The following IRAK1BP1 variants were observed in gnomAD, a reference collection of about 807,000 sequenced individuals.
IRAK1BP1 encodes interleukin 1 receptor associated kinase 1 binding protein 1.
A neutral mutation model predicts 28.0 loss-of-function variants in IRAK1BP1; 24 were observed. The observed-to-expected ratio is 0.86, with a 90% CI of 0.62 to 1.20. IRAK1BP1 has a LOEUF of 1.20. IRAK1BP1 is among the 50% of genes most tolerant of loss of function. The pLI, the probability that IRAK1BP1 is intolerant of heterozygous loss-of-function variation, is 0.00. For synonymous variants in IRAK1BP1, 131 were observed against 116.3 expected (o/e 1.13, Z -0.81); for missense variants, 336 against 316.7 (o/e 1.06, Z -0.46).
At chr6:78,946,501 A>T (rs1043237541), downstream of IRAK1BP1, 7 of 1,396,360 alleles carry the variant, frequency 5.0e-6, no homozygotes, top group South Asian at 1.2e-4. Context: ...ATGCTGTTTT[A>T]CTGTATAGAT....
chr6:78,967,224 G>A, the IRAK1BP1 span, among the ~76,000 whole-genome samples: 1 of 152,052 alleles, frequency 6.6e-6, no homozygotes, highest in African/African-American at 2.4e-5. Flanking sequence ...CAGGAGAAAA[G>A]TTAATAGAAC....
the IRAK1BP1 span, among the ~76,000 whole-genome samples, chr6:78,966,772 C>CT: frequency 6.6e-6 from 1 of 152,180 alleles, no homozygotes; most frequent in Non-Finnish European, 1.5e-5. Flanking sequence ...CATAAGAAAA[C>CT]TGTAAGTCAC....
exon 5 of IRAK1BP1, chr6:78,946,324 T>C (rs1773816481): frequency 6.7e-7 from 1 of 1,486,742 alleles, no homozygotes; most frequent in South Asian, 1.3e-5. Context: ...AAACAGTTTA[T>C]AATATTTTTG....
At chr6:78,950,975 A>G, downstream of IRAK1BP1, among the ~76,000 whole-genome samples, 1 of 152,080 alleles carries the variant, frequency 6.6e-6, no homozygotes, top group East Asian at 1.9e-4. Flanking sequence ...ACTCTTTAGT[A>G]CATTTTAGTA....
intron 4 of IRAK1BP1, among the ~76,000 whole-genome samples, chr6:78,934,514 A>G (rs1177670272): frequency 6.6e-6 from 1 of 152,242 alleles, no homozygotes; most frequent in African/African-American, 2.4e-5. Flanking sequence ...AAAACATTAA[A>G]AGTCCTTCTG....
At chr6:78,942,964 C>A (rs1773578993) in intron 4 of IRAK1BP1, among the ~76,000 whole-genome samples, 2 of 152,218 alleles carry the variant, frequency 1.3e-5, no homozygotes, top group South Asian at 2.1e-4. Context: ...TTAAAAACCA[C>A]TGATATTGAA....
At chr6:78,889,983 CA>C (rs1771577899) in intron 2 of IRAK1BP1, among the ~76,000 whole-genome samples, 1 of 152,094 alleles carries the variant, frequency 6.6e-6, no homozygotes, top group African/African-American at 2.4e-5. Context: ...ACATTTATTG[CA>C]GCACTATTTA....
the IRAK1BP1 span, chr6:78,957,284 T>A: frequency 6.6e-6 from 1 of 151,996 alleles, no homozygotes; most frequent in Admixed American, 6.6e-5. Context: ...CAGATACACA[T>A]ACACATAGTT....
chr6:78,940,554 T>TTG, intron 4 of IRAK1BP1: 1 of 174,894 alleles, frequency 5.7e-6, no homozygotes, highest in Admixed American at 6.7e-5. Flanking sequence ...GTTTGTTTTT[T>TTG]TTTTTTTTTT....
At chr6:78,886,227 A>G (rs2127646557) in intron 2 of IRAK1BP1, among the ~76,000 whole-genome samples, 1 of 152,232 alleles carries the variant, frequency 6.6e-6, no homozygotes, top group East Asian at 1.9e-4. Flanking sequence ...TAAAGGTGTG[A>G]CTTTAGGTTC....
chr6:78,918,578 TAAAAAAA>T (rs58669467), intron 4 of IRAK1BP1, among the ~76,000 whole-genome samples: 2 of 66,784 alleles, frequency 3.0e-5, no homozygotes, highest in African/African-American at 1.2e-4. Flanking sequence ...CCAAAAACAG[TAAAAAAA>T]AAAAAAAAAA....
At chr6:78,870,325 C>T (rs1475222626) in intron 1 of IRAK1BP1, among the ~76,000 whole-genome samples, 1 of 151,924 alleles carries the variant, frequency 6.6e-6, no homozygotes, top group Non-Finnish European at 1.5e-5. Context: ...CTAATCCCTG[C>T]CATGCAACAC....
intron 2 of IRAK1BP1, among the ~76,000 whole-genome samples, chr6:78,891,483 CG>C (rs1352544856): frequency 6.9e-6 from 1 of 144,014 alleles, no homozygotes; most frequent in Non-Finnish European, 1.5e-5. Flanking sequence ...TTTTTTGAGA[CG>C]AAGTCTCACT....
rs1045796710 is a variant in IRAK1BP1, at chr6:78,911,083, G to T, written c.*67+7973G>T. 2.6e-5 allele frequency among the ~76,000 whole-genome samples: 4 copies of T among 152,186 alleles called. No homozygotes were observed. In the South Asian group the frequency reaches 8.3e-4, roughly 32 times the overall value. On this transcript the variant is annotated intron_variant and NMD_transcript_variant, in intron 4 of 4. Coordinates refer to the IRAK1BP1 transcript ENST00000606868. ...GGCCTTCGTGTCCTCTGCAGCCTCC[G>T]CCTTCCTTCTGCTGCCAGCAGCTGT... is the stretch of plus-strand genomic sequence containing the variant.
At chr6:78,946,855 C>T (rs1773848450), downstream of IRAK1BP1, 4 of 1,568,022 alleles carry the variant, frequency 2.6e-6, no homozygotes, top group African/African-American at 1.4e-5. Context: ...AGCAGACAGG[C>T]GCAAACTCAT....
chr6:78,971,253 A>T, the IRAK1BP1 span, among the ~76,000 whole-genome samples: 1 of 152,236 alleles, frequency 6.6e-6, no homozygotes, highest in Non-Finnish European at 1.5e-5. Flanking sequence ...ATATGCAGAA[A>T]ACATTGAAAT....
the IRAK1BP1 span, among the ~76,000 whole-genome samples, chr6:78,962,533 C>G: frequency 6.6e-6 from 1 of 152,140 alleles, no homozygotes; most frequent in Non-Finnish European, 1.5e-5. Context: ...TCTCTCTAGA[C>G]TCTTTGCAGC....
At chr6:78,946,934 A>T, downstream of IRAK1BP1, 2 of 939,944 alleles carry the variant, frequency 2.1e-6, no homozygotes, top group Non-Finnish European at 3.2e-6. Flanking sequence ...TTTGTTCAGT[A>T]AATACTGTAA....
rs193185369 is a variant in IRAK1BP1, at chr6:78,921,245, C to T, written c.*67+18135C>T. 4.1e-3 allele frequency among the ~76,000 whole-genome samples: 617 copies of T among 152,308 alleles called. 4 individuals carry two copies. Among genetic ancestry groups the T allele is most frequent in the Non-Finnish European group, 7.1e-3 (485 of 68,040 alleles). ...CCACCCTAATACTGCACTTTTCCAA[C>T]GATCTTCGCAAACGGCACACCAGGT... On this transcript the variant is annotated intron_variant and NMD_transcript_variant, in intron 4 of 4. Coordinates refer to the IRAK1BP1 transcript ENST00000606868.
Sources: allele counts gnomAD v4.1 joint callset (sites outside exome capture counted in the v4.1 genomes callset), GRCh38; gene constraint gnomAD v4.1.1; transcripts MANE v1.5; gene names NCBI Gene and HGNC (gene_info 2026-07-23, HGNC 2026-07-21).